The following TUT7 variants were observed in gnomAD, a reference collection of about 807,000 sequenced individuals.
TUT7 encodes the protein terminal uridylyltransferase 7.
In TUT7, 33 loss-of-function variants were observed where a neutral mutation model predicts 165.9. That is an observed-to-expected ratio of 0.20 (90% CI 0.15 to 0.27). TUT7 has a LOEUF of 0.27. Among genes scored for constraint, TUT7 ranks in the 10% least tolerant of loss-of-function variants. TUT7 has a pLI of 1.00. For missense variants in TUT7, 1,338 were observed against 1,762.3 expected, an observed-to-expected ratio of 0.76 and a Z score of 4.31; for synonymous variants, 552 against 608.1, an observed-to-expected ratio of 0.91 and a Z score of 1.36.
chr9:86,345,852 C>A (rs1831708614), intron 3 of TUT7, 67 bp from the exon 4 acceptor site: 2 of 1,156,310 alleles, frequency 1.7e-6, no homozygotes, highest in Non-Finnish European at 2.6e-6. Flanking sequence ...TAAACAAAAT[C>A]AGCCAGGAAA....
intron 2 of TUT7, among the ~76,000 whole-genome samples, chr9:86,347,429 G>A (rs1337696752): frequency 6.6e-6 from 1 of 152,138 alleles, no homozygotes; most frequent in Admixed American, 6.5e-5. Flanking sequence ...ATTAGTGCTT[G>A]GAAACATAAA....
chr9:86,343,110 A>C lies in TUT7; in HGVS notation c.1051T>G (p.Ser351Ala). Reference sequence around the variant, plus strand: ...AACTGGATGTCAATGTTTACATCCGAATTTTTGAAACCCAATCTGCTACAG... The same window carrying C: ...AACTGGATGTCAATGTTTACATCCGCATTTTTGAAACCCAATCTGCTACAG... ...SSCSRLGFKN[S>A]DVNIDIQFPA... The change falls in exon 6 of 27, where the codon TCG becomes GCG. Residue 351 changes from serine to alanine, a missense_variant. Physicochemically the swap from Ser to Ala is moderately conservative, Grantham distance 99. This residue lies in a region of TUT7 where 434 missense variants were observed against 480.8 expected (regional missense o/e 0.90). Coordinates refer to ENST00000375963, the MANE Select transcript of TUT7 (RefSeq NM_024617.4). 1 of 1,604,438 alleles carries C rather than the reference A, an allele frequency of 6.2e-7. No individual in the cohort carries two copies. Among genetic ancestry groups the C allele is most frequent in the Middle Eastern group, 1.7e-4 (1 of 5,788 alleles).
At chr9:86,317,425 A>G in intron 16 of TUT7, 149 bp from the exon 17 acceptor site, 1 of 645,844 alleles carries the variant, frequency 1.5e-6, no homozygotes, top group Non-Finnish European at 2.7e-6. Flanking sequence ...TATTAGAGTC[A>G]GTATTCACAG....
chr9:86,328,528 AAAT>A (rs1308562867), intron 10 of TUT7, 36 bp from the exon 11 acceptor site: 5 of 1,550,244 alleles, frequency 3.2e-6, no homozygotes, highest in Non-Finnish European at 4.4e-6. Flanking sequence ...AATAAGATAG[AAAT>A]AATCTTATAT....
Position 86,345,567 on chromosome 9 carries a change from A to G in TUT7, c.819+102T>C, listed in dbSNP as rs948376698. On this transcript the variant is annotated intron_variant, in intron 4 of 26. Coordinates refer to ENST00000375963, the MANE Select transcript of TUT7 (RefSeq NM_024617.4). ...AAATATATTCAATAAATAAAGCAGT[A>G]AAGTTATCAATATCATAGCCTTAAG... The G allele has an allele frequency of 1.1e-5, 9 of 819,168 alleles. No individual in the cohort carries two copies. The East Asian group carries it at 2.2e-4, about 20-fold the overall frequency. The allele number at this position is 819,168 out of a possible 1,614,324, so 50.7% of individuals were successfully genotyped here. A position where few individuals can be genotyped will look rare whatever the true frequency, so the allele number is the denominator to read the frequency against.
chr9:86,354,017 T>C (rs1832531851), intron 1 of TUT7, among the ~76,000 whole-genome samples: 1 of 152,184 alleles, frequency 6.6e-6, no homozygotes, highest in Non-Finnish European at 1.5e-5. Flanking sequence ...GTCCCTGCAC[T>C]CCTGGCCAAG....
intron 1 of TUT7, among the ~76,000 whole-genome samples, chr9:86,353,498 C>G: frequency 6.6e-6 from 1 of 152,128 alleles, no homozygotes; most frequent in Middle Eastern, 3.4e-3. Context: ...TCTATAGGTT[C>G]CAGAACTGTA....
chr9:86,343,011 T>C (rs894514193), intron 6 of TUT7, 64 bp downstream of exon 6: 2 of 1,082,172 alleles, frequency 1.8e-6, no homozygotes, highest in East Asian at 2.4e-5. Context: ...CATAGACAGT[T>C]TACATTTGTA....
chr9:86,307,274 GAA>G (rs1003710372), intron 22 of TUT7, among the ~76,000 whole-genome samples: 1 of 135,038 alleles, frequency 7.4e-6, no homozygotes, highest in Admixed American at 7.4e-5. Flanking sequence ...ACTGTCTCAA[GAA>G]AAAAAAAAAA....
intron 2 of TUT7, among the ~76,000 whole-genome samples, chr9:86,348,386 G>T (rs976182718): frequency 1.3e-5 from 2 of 152,196 alleles, no homozygotes; most frequent in African/African-American, 4.8e-5. Flanking sequence ...TGGGGACAAT[G>T]CGAATCCAAG....
intron 9 of TUT7, among the ~76,000 whole-genome samples, chr9:86,338,365 C>T (rs1030229001): frequency 2.6e-5 from 4 of 151,840 alleles, no homozygotes; most frequent in Non-Finnish European, 5.9e-5. Flanking sequence ...TTTGGGGGAA[C>T]GTTAAATCTT....
intron 2 of TUT7, among the ~76,000 whole-genome samples, chr9:86,348,776 T>G (rs997748280): frequency 2.0e-5 from 3 of 151,714 alleles, no homozygotes; most frequent in African/African-American, 7.2e-5. Flanking sequence ...AAAAAAAGGA[T>G]GAAATCCTGA....
chr9:86,312,877 C>T (rs1192232509), intron 17 of TUT7, among the ~76,000 whole-genome samples: 7 of 152,056 alleles, frequency 4.6e-5, no homozygotes, highest in Admixed American at 6.6e-5. Context: ...AAGGGCGGTG[C>T]AAGATGTGCT....
At chr9:86,309,651 A>G in intron 19 of TUT7, 75 bp from the exon 20 acceptor site, 1 of 1,221,276 alleles carries the variant, frequency 8.2e-7, no homozygotes, top group Non-Finnish European at 1.2e-6. Context: ...GTTATCACTA[A>G]AAGTAAAGTG....
At chr9:86,339,967 G>A in intron 8 of TUT7, 69 bp downstream of exon 8, 2 of 1,156,694 alleles carry the variant, frequency 1.7e-6, no homozygotes, top group East Asian at 2.3e-5. Flanking sequence ...TGGACATTAA[G>A]ATGTAGTAAA....
intron 9 of TUT7, among the ~76,000 whole-genome samples, chr9:86,338,222 T>C (rs1178939311): frequency 1.3e-5 from 2 of 150,970 alleles, no homozygotes; most frequent in East Asian, 1.9e-4. Flanking sequence ...TTTTTTTTTT[T>C]TTTTTTTGAG....
Position 86,353,187 on chromosome 9 carries a change from C to T in TUT7, c.13G>A (p.Ala5Thr), listed in dbSNP as rs757461681. The T allele has an allele frequency of 1.3e-6, 2 of 1,578,342 alleles. No individual in the cohort carries two copies. The highest frequency in any genetic ancestry group is 8.6e-7 in the Non-Finnish European group (1 of 1,167,234). The change falls in exon 2 of 27, where the codon GCA (alanine) becomes ACA (threonine). Residue 5 changes from alanine (A) to threonine (T), a missense_variant. By Grantham distance (58) the Ala-to-Thr change is moderately conservative (BLOSUM62 0). Around this residue, in one of 7 missense-constraint regions of TUT7, gnomAD observed 434 missense variants for 480.8 expected, o/e 0.90. Transcript: ENST00000375963. ...GTGCGCTTCACGAAATAAGGTTTTG[C>T]TGTATCTCCCATGGTCTTTGACTTC... MGDT[A>T]KPYFVKRTKD... is the part of the protein sequence containing the mutation.
chr9:86,314,035 T>G (rs1828479662), intron 17 of TUT7, among the ~76,000 whole-genome samples: 1 of 152,226 alleles, frequency 6.6e-6, no homozygotes, highest in Non-Finnish European at 1.5e-5. Context: ...GTATTATCTT[T>G]CTTAAATGCC....
At chr9:86,337,690 C>G in intron 9 of TUT7, 152 bp from the exon 10 acceptor site, 1 of 943,998 alleles carries the variant, frequency 1.1e-6, no homozygotes, top group East Asian at 2.8e-5. Context: ...TATACAACTT[C>G]CTTATACTTT....
Sources: gnomAD v4.1 joint callset for allele counts (sites outside exome capture counted in the v4.1 genomes callset) on GRCh38, gnomAD v4.1.1 for gene constraint, gnomAD v4.1.1 regional missense constraint, MANE v1.5 for transcripts, NCBI Gene and HGNC (gene_info 2026-07-23, HGNC 2026-07-21) for gene names.